The following BNC1 variants were observed in gnomAD, a reference collection of about 807,000 sequenced individuals.
The protein encoded by BNC1 is zinc finger protein basonuclin-1.
BNC1 carries 8 observed loss-of-function variants against 66.5 expected under a neutral mutation model. The observed-to-expected ratio is 0.12, with a 90% CI of 0.07 to 0.22. The LOEUF (loss-of-function observed/expected upper bound fraction) is 0.22. BNC1 is among the 10% of genes least tolerant of loss of function. The pLI is 1.00. For missense variants in BNC1, 1,069 were observed against 1,241.3 expected, an observed-to-expected ratio of 0.86 and a Z score of 2.09; for synonymous variants, 454 against 452.6, an observed-to-expected ratio of 1.00 and a Z score of -0.04.
chr15:83,258,052 C>A lies in BNC1; in HGVS notation c.2375G>T (p.Arg792Leu). 6.2e-7 allele frequency: 1 copy of A among 1,613,588 alleles called. No homozygotes were observed. Among genetic ancestry groups the A allele is most frequent in the Non-Finnish European group, 8.5e-7 (1 of 1,179,540 alleles). The change falls in exon 5 of 5, where the codon CGT becomes CTT. Residue 792 changes from arginine to leucine, a missense_variant. This residue lies in a region of BNC1 where 657 missense variants were observed against 715.8 expected (regional missense o/e 0.92). Coordinates refer to ENST00000345382, the MANE Select transcript of BNC1 (RefSeq NM_001717.4). ...CACATCTTTCAGAAGGTAAGCTGCA[C>A]GGAAATGATCTTCACTACTCTCCAA... ...EALESSEDHF[R>L]AAYLLKDVAK...
chr15:83,263,740 G>A lies in BNC1; in HGVS notation c.1511C>T (p.Thr504Met), dbSNP rs189311441. The A allele has an allele frequency of 3.9e-5, 63 of 1,614,182 alleles. No homozygotes were observed. Among genetic ancestry groups the A allele is most frequent in the African/African-American group, 6.7e-5 (5 of 75,050 alleles). Residue 504 changes from threonine to methionine, a missense_variant, in exon 4 of 5, where the codon ACG becomes ATG. Thr to Met is a moderately conservative substitution (Grantham distance 81). Coordinates refer to ENST00000345382, the MANE Select transcript of BNC1 (RefSeq NM_001717.4). ...CGGGAGGGAAGGGAGTATCCCAGGC[G>A]TGTTTGCTACCTCGGCAGGCGTGGC... The part of the protein sequence containing the change: ...SPATPAEVAN[T>M]PGILPSLPLL...
In BNC1 at chr15:83,283,095, A is replaced by G. The variant is rs993152734; in HGVS notation, c.99+1435T>C. 4.6e-6 allele frequency: 7 copies of G among 1,516,252 alleles called. No individual in the cohort carries two copies. In the African/African-American group the frequency reaches 9.8e-5, roughly 21 times the overall value. 93.9% of individuals were successfully genotyped at this position (1,516,252 alleles called of 1,614,324 possible). ...CCGCCCCCCAACCACACACAACTTCACTCACACAATTAAGGCTGGGAGATG... is the reference window on the plus strand; with the variant it reads ...CCGCCCCCCAACCACACACAACTTCGCTCACACAATTAAGGCTGGGAGATG... On this transcript the variant is annotated intron_variant, in intron 1 of 4. Transcript: ENST00000345382.
At chr15:83,260,759 T>C (rs886187484) in intron 4 of BNC1, among the ~76,000 whole-genome samples, 2 of 152,354 alleles carry the variant, frequency 1.3e-5, no homozygotes, top group African/African-American at 4.8e-5. Flanking sequence ...TGGTAACTGT[T>C]GCTGGCAGTA....
chr15:83,267,136 A>G, intron 2 of BNC1, 65 bp from the exon 3 acceptor site: 2 of 1,331,416 alleles, frequency 1.5e-6, no homozygotes, highest in Non-Finnish European at 2.1e-6. Context: ...ACACTGCAAA[A>G]AAAAGTAGGT....
chr15:83,269,086 T>G (rs1026799609), intron 1 of BNC1, among the ~76,000 whole-genome samples: 2 of 152,118 alleles, frequency 1.3e-5, no homozygotes, highest in Non-Finnish European at 2.9e-5. Context: ...TAGCCGGGCA[T>G]GGTGGCACAT....
chr15:83,283,386 A>T (rs113930428), intron 1 of BNC1: 149,906 of 1,317,300 alleles, frequency 0.11, 9,312 homozygotes, highest in African/African-American at 0.21. Context: ...GAGACCCCGC[A>T]GCGGCCTCCT....
rs775524755 is a variant in BNC1 at position 83,264,059 on chromosome 15, A to G, written c.1192T>C (p.Ser398Pro). 1 of 1,614,046 alleles carries G rather than the reference A, an allele frequency of 6.2e-7. No individual in the cohort carries two copies. Among genetic ancestry groups the G allele is most frequent in the South Asian group, 1.1e-5 (1 of 91,068 alleles). ...TIEGCNMVFSSLRSRNRHSAN... is the reference protein window; with the variant it reads ...TIEGCNMVFSPLRSRNRHSAN... ...CTATGGCGATTCCGGCTCCTTAGGGAGCTGAACACCATGTTACACCCTTCG... is the reference window on the plus strand; with the variant it reads ...CTATGGCGATTCCGGCTCCTTAGGGGGCTGAACACCATGTTACACCCTTCG... Residue 398 changes from serine to proline, a missense_variant, in exon 4 of 5, where the codon TCC becomes CCC. Transcript: ENST00000345382.
intron 1 of BNC1, among the ~76,000 whole-genome samples, chr15:83,280,758 A>C (rs959150907): frequency 1.3e-5 from 2 of 152,224 alleles, no homozygotes; most frequent in Non-Finnish European, 2.9e-5. Flanking sequence ...TTGAGGTTTG[A>C]GTATTTGGTA....
At chr15:83,283,103 A>G in intron 1 of BNC1, 1 of 1,523,774 alleles carries the variant, frequency 6.6e-7, no homozygotes, top group Non-Finnish European at 8.8e-7. Flanking sequence ...TCACTCACAC[A>G]ATTAAGGCTG....
At chr15:83,276,785 C>T (rs979487665) in intron 1 of BNC1, among the ~76,000 whole-genome samples, 1 of 152,150 alleles carries the variant, frequency 6.6e-6, no homozygotes, top group Non-Finnish European at 1.5e-5. Context: ...AGAGTAGCAA[C>T]TATTATTTAG....
chr15:83,284,380 G>A (rs867927865), intron 1 of BNC1, 150 bp downstream of exon 1: 8 of 387,266 alleles, frequency 2.1e-5, no homozygotes, highest in Admixed American at 6.2e-5. Context: ...CCCTCCCGCC[G>A]CGCCTCGGGG....
chr15:83,263,947 G>T lies in BNC1; in HGVS notation c.1304C>A (p.Ser435Tyr). Residue 435 changes from serine to tyrosine, a missense_variant, in exon 4 of 5, where the codon TCT becomes TAT. This residue lies in a region of BNC1 where 657 missense variants were observed against 715.8 expected (regional missense o/e 0.92). Coordinates refer to ENST00000345382, the MANE Select transcript of BNC1 (RefSeq NM_001717.4). ...DLRNSLNLASSENYKCPGFTV... is the reference protein window; with the variant it reads ...DLRNSLNLASYENYKCPGFTV... ...GAAACCTGGGCACTTGTAGTTCTCA[G>T]AGCTGGCCAGGTTCAGGCTGTTCCT... 1 of 1,614,210 alleles carries T rather than the reference G, an allele frequency of 6.2e-7. No individual in the cohort carries two copies. Among genetic ancestry groups the T allele is most frequent in the Non-Finnish European group, 8.5e-7 (1 of 1,180,036 alleles).
intron 2 of BNC1, among the ~76,000 whole-genome samples, chr15:83,267,487 G>A (rs2038229402): frequency 1.3e-5 from 2 of 151,896 alleles, no homozygotes; most frequent in African/African-American, 4.8e-5. Flanking sequence ...CTAGTTGTGG[G>A]GCTTAACAAA....
At chr15:83,266,656 G>A (rs1162956896) in intron 3 of BNC1, among the ~76,000 whole-genome samples, 180 bp downstream of exon 3, 2 of 152,168 alleles carry the variant, frequency 1.3e-5, no homozygotes, top group Non-Finnish European at 1.5e-5. Flanking sequence ...GTATCTTGGA[G>A]GAAAGCCTTG....
At chr15:83,275,879 A>G (rs1022460066) in intron 1 of BNC1, among the ~76,000 whole-genome samples, 2 of 149,610 alleles carry the variant, frequency 1.3e-5, no homozygotes, top group Non-Finnish European at 2.9e-5. Context: ...TTTTAACAGT[A>G]AGCCTTTTTT....
At chr15:83,258,714 A>G (rs150128148) in intron 4 of BNC1, among the ~76,000 whole-genome samples, 7 of 152,350 alleles carry the variant, frequency 4.6e-5, no homozygotes, top group African/African-American at 1.7e-4. Flanking sequence ...TGAAATCAGG[A>G]AACATTACCT....
At chr15:83,258,266 A>ATG in intron 4 of BNC1, 140 bp from the exon 5 acceptor site, 1 of 832,646 alleles carries the variant, frequency 1.2e-6, no homozygotes, top group Admixed American at 2.9e-5. Context: ...CCCCCATGGG[A>ATG]TGTAACACCT....
intron 1 of BNC1, chr15:83,283,310 G>A: frequency 6.7e-7 from 1 of 1,493,262 alleles, no homozygotes; most frequent in Non-Finnish European, 8.9e-7. Context: ...AAATCCCGAG[G>A]AACTCCGGCA....
At position 83,284,655 on chromosome 15, in the gene BNC1, C is replaced by T. The variant is rs1164929234; in HGVS notation, c.-27G>A. 2 of 970,614 alleles carry T rather than the reference C, an allele frequency of 2.1e-6. No individual in the cohort carries two copies. The highest frequency in any genetic ancestry group is 6.2e-5 in the Admixed American group (1 of 16,008). The allele number at this position is 970,614 out of a possible 1,614,324, so 60.1% of individuals were successfully genotyped here. On this transcript the variant is annotated 5_prime_UTR_variant, in exon 1 of 5. Coordinates refer to ENST00000345382, the MANE Select transcript of BNC1 (RefSeq NM_001717.4). ...CACGCTCCGGCCGTCGGGGCGCGAC[C>T]CGGCGAAGTGGGCGGCTCCCCAAGC...
Sources: gnomAD v4.1 joint callset for allele counts (sites outside exome capture counted in the v4.1 genomes callset) on GRCh38, gnomAD v4.1.1 for gene constraint, gnomAD v4.1.1 regional missense constraint, MANE v1.5 for transcripts, NCBI Gene and HGNC (gene_info 2026-07-23, HGNC 2026-07-21) for gene names.